The following CALN1 variants were observed in gnomAD, a reference collection of about 807,000 sequenced individuals.
CALN1 encodes the protein calneuron 1, also known as calcium-binding protein 8.
Under a neutral mutation model 30.6 loss-of-function variants are expected in CALN1, and 17 were observed. The observed-to-expected ratio is 0.56, with a 90% CI of 0.38 to 0.83. The LOEUF (loss-of-function observed/expected upper bound fraction) is 0.83. CALN1 is among the 40% of genes least tolerant of loss of function. The pLI is 0.00. For synonymous variants in CALN1, 156 were observed against 131.4 expected (o/e 1.19, Z -1.28); for missense variants, 291 against 354.9 (o/e 0.82, Z 1.45).
intron 2 of CALN1, among the ~76,000 whole-genome samples, chr7:72,338,614 T>C (rs1334699819): frequency 6.6e-6 from 1 of 151,996 alleles, no homozygotes; most frequent in Non-Finnish European, 1.5e-5. Context: ...ACCTGTATTA[T>C]TACTATCTTG....
the CALN1 span, among the ~76,000 whole-genome samples, chr7:72,477,783 C>T: frequency 6.6e-6 from 1 of 152,184 alleles, no homozygotes; most frequent in Admixed American, 6.5e-5. Context: ...TGGTCTCGAA[C>T]TCCTAGCCTC....
chr7:72,158,940 C>A (rs1035224389), intron 3 of CALN1, among the ~76,000 whole-genome samples: 1 of 152,092 alleles, frequency 6.6e-6, no homozygotes, highest in Non-Finnish European at 1.5e-5. Context: ...GCAACCTCTG[C>A]CTCCCAGGTT....
intron 5 of CALN1, among the ~76,000 whole-genome samples, chr7:71,857,003 GGTGTGTATATGTATGTGT>G (rs1402720612): frequency 7.5e-6 from 1 of 134,206 alleles, no homozygotes; most frequent in Non-Finnish European, 1.6e-5. Flanking sequence ...ACAACCTCAT[GGTGTGTATATGTATGTGT>G]GTGTGTGTGT....
In CALN1 at chr7:71,939,599, G is replaced by T. The variant is rs377122772; in HGVS notation, c.501+84058C>A. Among the ~76,000 whole-genome samples the T allele has an allele frequency of 7.9e-5, 12 of 151,924 alleles. No individual in the cohort carries two copies. The East Asian group carries it at 2.1e-3, about 27-fold the overall frequency. The stretch of plus-strand genomic sequence containing the variant: ...AAAAAAAAAAAAAAGTTTACGGATG[G>T]TAGTTATGATCATCCTCTCCACCCC... On this transcript the variant is annotated intron_variant, in intron 5 of 6. Transcript: ENST00000395275.
intron 3 of CALN1, among the ~76,000 whole-genome samples, chr7:72,139,876 C>T (rs1386094141): frequency 1.3e-5 from 2 of 152,146 alleles, no homozygotes; most frequent in Non-Finnish European, 2.9e-5. Flanking sequence ...CCTATTTATT[C>T]TTTCAGATTT....
intron 5 of CALN1, among the ~76,000 whole-genome samples, chr7:71,896,506 G>C (rs926349186): frequency 1.3e-4 from 20 of 152,080 alleles, no homozygotes; most frequent in African/African-American, 4.8e-4. Flanking sequence ...ACTTGCGAAA[G>C]AACAAAAAAC....
intron 3 of CALN1, among the ~76,000 whole-genome samples, chr7:72,184,412 G>A (rs539340214): frequency 3.9e-5 from 6 of 152,200 alleles, no homozygotes; most frequent in South Asian, 2.1e-4. Flanking sequence ...TGTGATACAC[G>A]AATTTGTATT....
intron 5 of CALN1, among the ~76,000 whole-genome samples, chr7:71,968,075 C>A (rs935529079): frequency 6.6e-6 from 1 of 152,112 alleles, no homozygotes; most frequent in Non-Finnish European, 1.5e-5. Context: ...CACACAAATG[C>A]CTGTACATGA....
chr7:71,955,452 G>A (rs966530141), intron 5 of CALN1, among the ~76,000 whole-genome samples: 3 of 152,084 alleles, frequency 2.0e-5, no homozygotes, highest in African/African-American at 7.2e-5. Context: ...ATCTCAAAAT[G>A]CTCTTTGAGG....
intron 4 of CALN1, among the ~76,000 whole-genome samples, chr7:72,058,812 T>G (rs937883170): frequency 6.6e-6 from 1 of 152,136 alleles, no homozygotes; most frequent in Non-Finnish European, 1.5e-5. Flanking sequence ...TGAGTTGCAA[T>G]GCAGTGCAAA....
chr7:72,153,138 C>G (rs1196423235), intron 3 of CALN1, among the ~76,000 whole-genome samples: 5 of 152,188 alleles, frequency 3.3e-5, no homozygotes, highest in Non-Finnish European at 1.5e-5. Flanking sequence ...CTTAGAGACC[C>G]AAATTCTGTT....
intron 5 of CALN1, among the ~76,000 whole-genome samples, chr7:71,875,769 G>C (rs1792208296): frequency 6.6e-6 from 1 of 152,218 alleles, no homozygotes; most frequent in Admixed American, 6.5e-5. Flanking sequence ...ACACTAGACA[G>C]ACTCAAATTC....
chr7:72,420,621 CTTTTTT>C (rs1162542514), intron 1 of CALN1, among the ~76,000 whole-genome samples: 1 of 131,320 alleles, frequency 7.6e-6, no homozygotes, highest in African/African-American at 2.9e-5. Context: ...CTGGATGCAT[CTTTTTT>C]TTTTTTTTTT....
At chr7:71,827,771 T>TAAAAAAAAAAAAAAAAA (rs1554347602) in intron 5 of CALN1, among the ~76,000 whole-genome samples, 2 of 96,838 alleles carry the variant, frequency 2.1e-5, no homozygotes, top group African/African-American at 6.7e-5. Flanking sequence ...GACTCCATCT[T>TAAAAAAAAAAAAAAAAA]AAAAAAATAA....
At chr7:71,821,838 A>G (rs1788612211) in intron 5 of CALN1, among the ~76,000 whole-genome samples, 1 of 141,628 alleles carries the variant, frequency 7.1e-6, no homozygotes, top group Non-Finnish European at 1.5e-5. Flanking sequence ...CCCACGCTGG[A>G]GTACAGTGGT....
chr7:71,816,926 C>T (rs1206429508), intron 5 of CALN1, among the ~76,000 whole-genome samples: 2 of 152,148 alleles, frequency 1.3e-5, no homozygotes, highest in Admixed American at 1.3e-4. Context: ...CGAGATTGCA[C>T]CACTGCACTC....
chr7:72,376,686 T>G (rs534546868), intron 2 of CALN1, among the ~76,000 whole-genome samples: 2 of 152,360 alleles, frequency 1.3e-5, no homozygotes, highest in East Asian at 3.9e-4. Context: ...TGGTGTCATT[T>G]GATTCACATA....
intron 1 of CALN1, among the ~76,000 whole-genome samples, chr7:72,441,004 A>G (rs1404426972): frequency 6.6e-6 from 1 of 151,996 alleles, no homozygotes; most frequent in East Asian, 2.0e-4. Flanking sequence ...TTCATTATAT[A>G]TACATGTCAA....
intron 3 of CALN1, among the ~76,000 whole-genome samples, chr7:72,258,523 G>A (rs2521202): frequency 0.013 from 2,010 of 152,260 alleles, 42 homozygotes; most frequent in African/African-American, 0.046. Context: ...ACAAATAGGT[G>A]ACTTTTTGAA....
Sources: allele counts gnomAD v4.1 joint callset (sites outside exome capture counted in the v4.1 genomes callset), GRCh38; gene constraint gnomAD v4.1.1; transcripts MANE v1.5; gene names NCBI Gene and HGNC (gene_info 2026-07-23, HGNC 2026-07-21).